Variants in SPOCK1 observed in about 807,000 individuals in gnomAD.
The protein encoded by SPOCK1 is SPARC (osteonectin), cwcv and kazal like domains proteoglycan 1, also known as testican-1.
In SPOCK1, 23 loss-of-function variants were observed where a neutral mutation model predicts 55.3. That is an observed-to-expected ratio of 0.42 (90% CI 0.30 to 0.59). The LOEUF (loss-of-function observed/expected upper bound fraction) is 0.59, where lower values mean the gene tolerates loss of function less well. Ranked by LOEUF, SPOCK1 falls within the 20% of genes least tolerant of loss-of-function variation. The probability of loss-of-function intolerance (pLI) is 0.22; values close to 1 mark genes in which losing one functional copy is unlikely to be tolerated. For missense variants in SPOCK1, 499 were observed against 552.5 expected, an observed-to-expected ratio of 0.90 and a Z score of 0.97; for synonymous variants, 226 against 221.0, an observed-to-expected ratio of 1.02 and a Z score of -0.20.
At chr5:137,406,373 T>C (rs1752099840) in intron 2 of SPOCK1, among the ~76,000 whole-genome samples, 1 of 151,800 alleles carries the variant, frequency 6.6e-6, no homozygotes, top group African/African-American at 2.4e-5. Flanking sequence ...CAGGCAGGAG[T>C]AGATGCATGC....
intron 2 of SPOCK1, among the ~76,000 whole-genome samples, chr5:137,447,695 C>T (rs1037736264): frequency 6.6e-6 from 1 of 152,144 alleles, no homozygotes; most frequent in Non-Finnish European, 1.5e-5. Flanking sequence ...CCTCCCTAAA[C>T]CATCCCTACT....
chr5:137,498,299 CA>C (rs1348580533), intron 2 of SPOCK1, 73 bp downstream of exon 2: 39 of 1,391,814 alleles, frequency 2.8e-5, no homozygotes, highest in South Asian at 7.4e-5. Flanking sequence ...CACACACACA[CA>C]CCCCAACCCC....
At chr5:137,328,160 T>C (rs189565021) in intron 2 of SPOCK1, among the ~76,000 whole-genome samples, 1 of 152,190 alleles carries the variant, frequency 6.6e-6, no homozygotes, top group African/African-American at 2.4e-5. Context: ...AGTAAACCAC[T>C]GGAAGGGCAA....
At chr5:137,257,492 G>A (rs993330501) in intron 3 of SPOCK1, among the ~76,000 whole-genome samples, 3 of 152,232 alleles carry the variant, frequency 2.0e-5, no homozygotes, top group African/African-American at 7.2e-5. Flanking sequence ...ACCTGGAAGA[G>A]GGCCCTCACC....
intron 2 of SPOCK1, among the ~76,000 whole-genome samples, chr5:137,414,867 G>A (rs59296277): frequency 5.0e-3 from 433 of 85,866 alleles, no homozygotes; most frequent in African/African-American, 0.018. Context: ...GTATGTCCCC[G>A]CCCACCCCCC....
intron 2 of SPOCK1, among the ~76,000 whole-genome samples, chr5:137,417,282 T>A (rs1444009866): frequency 1.3e-5 from 2 of 151,890 alleles, no homozygotes; most frequent in East Asian, 3.8e-4. Context: ...CTTTTAGAAG[T>A]TTTATAGTTT....
intron 3 of SPOCK1, among the ~76,000 whole-genome samples, chr5:137,149,678 C>T (rs1227249569): frequency 1.3e-5 from 2 of 152,168 alleles, no homozygotes; most frequent in Admixed American, 6.5e-5. Context: ...AGAGAATTAA[C>T]TCTTTTGGTG....
chr5:137,376,105 G>A (rs1751308319), intron 2 of SPOCK1, among the ~76,000 whole-genome samples: 1 of 152,196 alleles, frequency 6.6e-6, no homozygotes, highest in Admixed American at 6.5e-5. Flanking sequence ...CAGCCCACCA[G>A]GCTTTCACCA....
chr5:137,357,889 T>C (rs1301878213), intron 2 of SPOCK1, among the ~76,000 whole-genome samples: 1 of 152,062 alleles, frequency 6.6e-6, no homozygotes, highest in Non-Finnish European at 1.5e-5. Flanking sequence ...GAATAAAATA[T>C]CATTACCCTA....
At chr5:137,456,969 A>T (rs1045416496) in intron 2 of SPOCK1, among the ~76,000 whole-genome samples, 1 of 152,196 alleles carries the variant, frequency 6.6e-6, no homozygotes, top group African/African-American at 2.4e-5. Flanking sequence ...TATTCAGTAA[A>T]TCTGAAGTAA....
intron 2 of SPOCK1, among the ~76,000 whole-genome samples, chr5:137,347,756 A>C (rs1214713915): frequency 6.6e-6 from 1 of 151,992 alleles, no homozygotes; most frequent in East Asian, 1.9e-4. Context: ...AACAAACAAA[A>C]AAAAACCAGT....
intron 3 of SPOCK1, among the ~76,000 whole-genome samples, chr5:137,231,542 C>T (rs1394052033): frequency 6.6e-6 from 1 of 152,208 alleles, no homozygotes; most frequent in African/African-American, 2.4e-5. Context: ...TGAAGATTCA[C>T]CCAGGATGTT....
At chr5:137,019,912 T>C (rs528015997) in intron 6 of SPOCK1, among the ~76,000 whole-genome samples, 4 of 152,084 alleles carry the variant, frequency 2.6e-5, no homozygotes, top group Admixed American at 1.3e-4. Context: ...AATAATGCCA[T>C]ATAAGTTAGA....
chr5:137,294,165 T>C (rs10039368), intron 2 of SPOCK1, among the ~76,000 whole-genome samples: 5,009 of 152,300 alleles, frequency 0.033, 109 homozygotes, highest in Admixed American at 0.047. Context: ...TGGCCACATA[T>C]GTCTTTTGGC....
chr5:137,340,013 A>C (rs1344030501), intron 2 of SPOCK1, among the ~76,000 whole-genome samples: 5 of 152,086 alleles, frequency 3.3e-5, no homozygotes, highest in African/African-American at 1.2e-4. Flanking sequence ...GTAGGTGGGA[A>C]TGTGATATTT....
chr5:137,252,503 G>C (rs918470745), intron 3 of SPOCK1, among the ~76,000 whole-genome samples: 5 of 152,116 alleles, frequency 3.3e-5, no homozygotes, highest in African/African-American at 1.2e-4. Flanking sequence ...CTTAATGTCA[G>C]GCATTATCTT....
At chr5:137,440,398 G>C (rs189001576) in intron 2 of SPOCK1, among the ~76,000 whole-genome samples, 74 of 152,266 alleles carry the variant, frequency 4.9e-4, no homozygotes, top group African/African-American at 1.7e-3. Flanking sequence ...TGTAATGGTA[G>C]GGAAGAGTAT....
rs578192837 is a variant in SPOCK1, at chr5:137,190,902, T to C, written c.233-50208A>G. 2.6e-5 allele frequency among the ~76,000 whole-genome samples: 4 copies of C among 152,316 alleles called. No individual in the cohort carries two copies. The East Asian group carries it at 7.7e-4, about 29-fold the overall frequency. ...GGCAATGAATACAGGTCTATGTATA[T>C]TTTCTGAGCAAACCAAGGAGAACTC... On this transcript the variant is annotated intron_variant, in intron 3 of 10. Coordinates refer to ENST00000394945, the MANE Select transcript of SPOCK1 (RefSeq NM_004598.4).
chr5:137,183,245 C>T (rs1378882486), intron 3 of SPOCK1, among the ~76,000 whole-genome samples: 1 of 152,148 alleles, frequency 6.6e-6, no homozygotes, highest in Admixed American at 6.5e-5. Context: ...GAAGAATGAG[C>T]AGGCACTAAG....
Sources: gnomAD v4.1 joint callset for allele counts (sites outside exome capture counted in the v4.1 genomes callset) on GRCh38, gnomAD v4.1.1 for gene constraint, MANE v1.5 for transcripts, NCBI Gene and HGNC (gene_info 2026-07-23, HGNC 2026-07-21) for gene names.